TEX10: variants seen among roughly 807,000 people sequenced by gnomAD.
The protein encoded by TEX10 is testis-expressed protein 10.
A neutral mutation model predicts 104.4 loss-of-function variants in TEX10; 24 were observed. The observed-to-expected ratio is 0.23, with a 90% CI of 0.17 to 0.32. TEX10 has a LOEUF of 0.32. Ranked by LOEUF, TEX10 falls within the 10% of genes least tolerant of loss-of-function variation. The probability of loss-of-function intolerance (pLI) is 1.00; values close to 1 mark genes in which losing one functional copy is unlikely to be tolerated. For missense variants in TEX10, 921 were observed against 1,083.9 expected, an observed-to-expected ratio of 0.85 and a Z score of 2.11; for synonymous variants, 396 against 393.4, an observed-to-expected ratio of 1.01 and a Z score of -0.08.
rs1472463343 is a variant in TEX10, at chr9:100,329,175, G to C, written c.1590C>G (p.Ile530Met). 2 of 1,611,062 alleles carry C rather than the reference G, an allele frequency of 1.2e-6. No homozygotes were observed. Among genetic ancestry groups the C allele is most frequent in the African/African-American group, 1.3e-5 (1 of 74,914 alleles). ...AAGATCTCAGTTCTTCTGTCTGATAGATTTTACTGAAAAACTTCAATAACA... is the reference window on the plus strand; with the variant it reads ...AAGATCTCAGTTCTTCTGTCTGATACATTTTACTGAAAAACTTCAATAACA... ...RTLLLKFFSK[I>M]YQTEELRSCR... Residue 530 changes from isoleucine (I) to methionine (M), a missense_variant, in exon 7 of 15, where the codon ATC (isoleucine) becomes ATG (methionine). This residue lies in a region of TEX10 where 753 missense variants were observed against 868.4 expected (regional missense o/e 0.87). Coordinates refer to ENST00000374902, the MANE Select transcript of TEX10 (RefSeq NM_017746.4).
At chr9:100,344,194 A>G (rs1294930536) in intron 4 of TEX10, among the ~76,000 whole-genome samples, 1 of 152,184 alleles carries the variant, frequency 6.6e-6, no homozygotes, top group Non-Finnish European at 1.5e-5. Flanking sequence ...TCAGCTTTAT[A>G]CAGTATCTCA....
At chr9:100,309,460 T>G (rs1834219726) in intron 12 of TEX10, among the ~76,000 whole-genome samples, 1 of 152,190 alleles carries the variant, frequency 6.6e-6, no homozygotes, top group African/African-American at 2.4e-5. Flanking sequence ...GGCATATTGA[T>G]CTTTTACTAG....
intron 11 of TEX10, among the ~76,000 whole-genome samples, chr9:100,316,217 A>G (rs1203907375): frequency 1.2e-4 from 19 of 152,242 alleles, no homozygotes; most frequent in Admixed American, 9.8e-4. Context: ...AGAATGGTTC[A>G]GTATACACAA....
At chr9:100,313,166 A>G (rs890686277) in intron 11 of TEX10, among the ~76,000 whole-genome samples, 1 of 152,234 alleles carries the variant, frequency 6.6e-6, no homozygotes, top group African/African-American at 2.4e-5. Flanking sequence ...AATGAAATCA[A>G]AATTACTTAG....
chr9:100,328,295 T>C (rs564386712), intron 7 of TEX10, among the ~76,000 whole-genome samples: 10 of 152,322 alleles, frequency 6.6e-5, no homozygotes, highest in South Asian at 2.1e-4. Flanking sequence ...CCATACAAAA[T>C]AGCTTCAAAC....
chr9:100,306,237 T>C (rs909786171), intron 13 of TEX10: 4 of 151,432 alleles, frequency 2.6e-5, no homozygotes, highest in Non-Finnish European at 4.4e-5. Context: ...TAGAAGAAAA[T>C]AGAAACAATG....
intron 6 of TEX10, among the ~76,000 whole-genome samples, chr9:100,329,653 A>G (rs1354752722): frequency 2.6e-5 from 4 of 152,200 alleles, no homozygotes; most frequent in Admixed American, 6.5e-5. Flanking sequence ...GATTCATGCC[A>G]TATCAATCAA....
chr9:100,320,273 C>T lies in TEX10; in HGVS notation c.2194G>A (p.Val732Ile), dbSNP rs1285165694. 1.9e-6 allele frequency: 3 copies of T among 1,605,068 alleles called. No individual in the cohort carries two copies. In the African/African-American group the frequency reaches 4.0e-5, roughly 22 times the overall value. The change falls in exon 11 of 15, where the codon GTA (valine) becomes ATA (isoleucine). Residue 732 changes from valine (V) to isoleucine (I), a missense_variant. By Grantham distance (29) the Val-to-Ile change is conservative (BLOSUM62 3). Transcript: ENST00000374902. ...TTTAAATGAACTATTACCTCTGTTA[C>T]ATCCCAGTGGTGTAAAAATTGATCC... Reference protein sequence around the residue: ...DLDQFLHHWDVTEAVFHSLLV... With the variant: ...DLDQFLHHWDITEAVFHSLLV...
At chr9:100,316,210 A>T (rs1475852985) in intron 11 of TEX10, among the ~76,000 whole-genome samples, 2 of 152,236 alleles carry the variant, frequency 1.3e-5, no homozygotes, top group Non-Finnish European at 2.9e-5. Flanking sequence ...GGGTGCAAGA[A>T]TGGTTCAGTA....
intron 5 of TEX10, among the ~76,000 whole-genome samples, chr9:100,339,925 T>C (rs1423925179): frequency 6.6e-6 from 1 of 152,172 alleles, no homozygotes; most frequent in African/African-American, 2.4e-5. Context: ...CATCAAGATA[T>C]TCTCTTGCTT....
intron 12 of TEX10, 42 bp downstream of exon 12, chr9:100,310,257 T>A (rs1834241907): frequency 6.6e-7 from 1 of 1,523,356 alleles, no homozygotes; most frequent in South Asian, 1.1e-5. Context: ...AACCAATGCA[T>A]CCTGTGTTCA....
chr9:100,342,404 T>C (rs974588246), intron 4 of TEX10, among the ~76,000 whole-genome samples: 2 of 152,222 alleles, frequency 1.3e-5, no homozygotes, highest in Admixed American at 6.5e-5. Flanking sequence ...TTTATCTCTG[T>C]AGCCCCAGAG....
chr9:100,323,773 AC>A (rs1416519998), intron 9 of TEX10, among the ~76,000 whole-genome samples: 1 of 152,106 alleles, frequency 6.6e-6, no homozygotes, highest in African/African-American at 2.4e-5. Context: ...TATCAGAACT[AC>A]AAAAATTGAG....
rs753325115 is a variant in TEX10 at position 100,326,498 on chromosome 9, A to G, written c.1802-19T>C. 1.1e-5 allele frequency: 18 copies of G among 1,593,204 alleles called. No individual in the cohort carries two copies. In the South Asian group the frequency reaches 1.4e-4, roughly 12 times the overall value. ...TGTGGATCTAGTGAGGTGGATAGAC[A>G]TATTAAAAACAACTATAAAAGACAT... On this transcript the variant is annotated intron_variant, in intron 8 of 14. Coordinates refer to ENST00000374902, the MANE Select transcript of TEX10 (RefSeq NM_017746.4).
intron 10 of TEX10, 100 bp downstream of exon 10, chr9:100,321,583 T>A: frequency 1.1e-6 from 1 of 942,346 alleles, no homozygotes; most frequent in Non-Finnish European, 1.6e-6. Flanking sequence ...TTTATCATCT[T>A]CAAAACTGAA....
rs1835330042 is a variant in TEX10 at position 100,347,520 on chromosome 9, C to T, written c.181-114G>A. 4.3e-6 allele frequency: 3 copies of T among 696,720 alleles called. No individual in the cohort carries two copies. The Admixed American group carries it at 9.7e-5, about 22-fold the overall frequency. The allele number at this position is 696,720 out of a possible 1,614,324, so 43.2% of individuals were successfully genotyped here. On this transcript the variant is annotated intron_variant, in intron 2 of 14. Transcript: ENST00000374902. ...CTGACACTCCTTGGGGAAACTGCTT[C>T]AATAAGTACTTTTTAAATGTTATTT...
At chr9:100,304,074 G>A in intron 13 of TEX10, 1 of 555,632 alleles carries the variant, frequency 1.8e-6, no homozygotes, top group East Asian at 3.1e-5. Flanking sequence ...AAAAACTACA[G>A]AACACTGCTG....
In TEX10 at chr9:100,346,079, T is replaced by C. The variant is rs751100261; in HGVS notation, c.1130A>G (p.His377Arg). Residue 377 changes from histidine to arginine, a missense_variant, in exon 4 of 15, where the codon CAT becomes CGT. Around this residue, in one of 3 missense-constraint regions of TEX10, gnomAD observed 753 missense variants for 868.4 expected, o/e 0.87. Coordinates refer to ENST00000374902, the MANE Select transcript of TEX10 (RefSeq NM_017746.4). Reference protein sequence around the residue: ...WKLSKQQDETHKLESWLRKNY... With the variant: ...WKLSKQQDETRKLESWLRKNY... ...AGAACCATTAGTTCTCACCAATTTATGGGTTTCATCCTGTTGTTTAGAGAG... is the reference window on the plus strand; with the variant it reads ...AGAACCATTAGTTCTCACCAATTTACGGGTTTCATCCTGTTGTTTAGAGAG... The C allele has an allele frequency of 8.1e-6, 13 of 1,610,372 alleles. No individual in the cohort carries two copies. Among genetic ancestry groups the C allele is most frequent in the Admixed American group, 1.7e-5 (1 of 59,358 alleles).
chr9:100,319,629 A>T (rs1564207178), intron 11 of TEX10, among the ~76,000 whole-genome samples: 2 of 151,776 alleles, frequency 1.3e-5, no homozygotes, highest in Non-Finnish European at 2.9e-5. Flanking sequence ...ACATAGTAAA[A>T]CCCCGTCTCT....
Sources: allele counts gnomAD v4.1 joint callset (sites outside exome capture counted in the v4.1 genomes callset), GRCh38; gene constraint gnomAD v4.1.1; regional missense constraint gnomAD v4.1.1; transcripts MANE v1.5; gene names NCBI Gene and HGNC (gene_info 2026-07-23, HGNC 2026-07-21).